The following PCDH7 variants were observed in gnomAD, a reference collection of about 807,000 sequenced individuals.
The protein encoded by PCDH7 is protocadherin-7.
PCDH7 carries 17 observed loss-of-function variants against 58.9 expected under a neutral mutation model. The observed-to-expected ratio is 0.29, with a 90% CI of 0.20 to 0.43. The LOEUF (loss-of-function observed/expected upper bound fraction) is 0.43. Among genes scored for constraint, PCDH7 ranks in the 20% least tolerant of loss-of-function variants. The pLI, the probability that PCDH7 is intolerant of heterozygous loss-of-function variation, is 1.00. For synonymous variants in PCDH7, 664 were observed against 616.4 expected, an observed-to-expected ratio of 1.08 and a Z score of -1.14; for missense variants, 1,274 against 1,441.0, an observed-to-expected ratio of 0.88 and a Z score of 1.88.
At chr4:30,968,518 T>A (rs561136083) in intron 3 of PCDH7, among the ~76,000 whole-genome samples, 1 of 151,096 alleles carries the variant, frequency 6.6e-6, no homozygotes, top group Non-Finnish European at 1.5e-5. Context: ...ATCTTCTTTT[T>A]AATCTAAAAT....
rs997760649 is a variant in PCDH7 at position 30,994,811 on chromosome 4, C to A, written c.*7+44596C>A. Reference sequence around the variant, plus strand: ...AATATAGGTATATTCAAAATTATCACCCAAATTGGCTTTTGGGTGTTAGCT... The same window carrying A: ...AATATAGGTATATTCAAAATTATCAACCAAATTGGCTTTTGGGTGTTAGCT... On this transcript the variant is annotated intron_variant, in intron 3 of 3. Coordinates refer to the PCDH7 transcript ENST00000509759. Among the ~76,000 whole-genome samples, 14 of 152,162 alleles carry A rather than the reference C, an allele frequency of 9.2e-5. No homozygotes were observed. In the South Asian group the frequency reaches 1.2e-3, roughly 14 times the overall value.
chr4:31,107,389 A>C (rs992058697), intron 3 of PCDH7, among the ~76,000 whole-genome samples: 5 of 152,222 alleles, frequency 3.3e-5, no homozygotes, highest in East Asian at 1.9e-4. Context: ...TCGCTGAAGC[A>C]ATGTAGTTCA....
intron 3 of PCDH7, among the ~76,000 whole-genome samples, chr4:30,956,417 G>A (rs2109453907): frequency 6.6e-6 from 1 of 152,232 alleles, no homozygotes; most frequent in South Asian, 2.1e-4. Flanking sequence ...TTCTAGTAAA[G>A]TGCTTTATAT....
At chr4:30,935,733 G>T (rs183860347) in intron 2 of PCDH7, among the ~76,000 whole-genome samples, 2 of 152,080 alleles carry the variant, frequency 1.3e-5, no homozygotes, top group Middle Eastern at 3.2e-3. Context: ...GATTATCACC[G>T]ATCACAGAGT....
At chr4:31,007,034 A>T (rs147690645) in intron 3 of PCDH7, among the ~76,000 whole-genome samples, 1 of 152,322 alleles carries the variant, frequency 6.6e-6, no homozygotes, top group East Asian at 1.9e-4. Context: ...GGGAAAAATT[A>T]CCAGGAATAA....
At chr4:30,848,102 T>C (rs1355835591) in intron 1 of PCDH7, among the ~76,000 whole-genome samples, 1 of 152,160 alleles carries the variant, frequency 6.6e-6, no homozygotes, top group Non-Finnish European at 1.5e-5. Context: ...AGATTATTTG[T>C]ATACACTATA....
chr4:31,028,778 A>T (rs1300119162), intron 3 of PCDH7, among the ~76,000 whole-genome samples: 4 of 152,224 alleles, frequency 2.6e-5, no homozygotes, highest in African/African-American at 7.2e-5. Context: ...GATGAAAAAC[A>T]TCGAAAAACA....
At chr4:30,800,014 C>T (rs993382914) in intron 1 of PCDH7, among the ~76,000 whole-genome samples, 4 of 151,100 alleles carry the variant, frequency 2.6e-5, no homozygotes, top group Non-Finnish European at 2.9e-5. Context: ...CCACCACACC[C>T]GGCTATTTTT....
chr4:30,895,348 G>C (rs913124155), intron 1 of PCDH7, among the ~76,000 whole-genome samples: 1 of 152,032 alleles, frequency 6.6e-6, no homozygotes, highest in Admixed American at 6.5e-5. Flanking sequence ...AATAGTTTAA[G>C]TATCTTCAGG....
intron 1 of PCDH7, among the ~76,000 whole-genome samples, chr4:30,855,032 T>C (rs1733279444): frequency 6.6e-6 from 1 of 152,136 alleles, no homozygotes; most frequent in South Asian, 2.1e-4. Context: ...TTCTTCTACT[T>C]AGAAAGTGGA....
intron 1 of PCDH7, among the ~76,000 whole-genome samples, chr4:30,841,927 C>T (rs1731265721): frequency 6.6e-6 from 1 of 151,972 alleles, no homozygotes; most frequent in Non-Finnish European, 1.5e-5. Context: ...ATTTAAGACC[C>T]TTACCACTAG....
intron 1 of PCDH7, among the ~76,000 whole-genome samples, chr4:30,900,741 G>T (rs2109394056): frequency 6.6e-6 from 1 of 152,252 alleles, no homozygotes; most frequent in South Asian, 2.1e-4. Flanking sequence ...ATATAGAAAT[G>T]CTTCATAGTG....
intron 1 of PCDH7, among the ~76,000 whole-genome samples, chr4:30,892,806 C>T (rs1167482589): frequency 6.6e-6 from 1 of 151,998 alleles, no homozygotes; most frequent in African/African-American, 2.4e-5. Flanking sequence ...ATTGTATTCT[C>T]TTTCCCAAAA....
intron 3 of PCDH7, among the ~76,000 whole-genome samples, chr4:31,052,779 G>T (rs185307969): frequency 2.6e-5 from 4 of 152,134 alleles, no homozygotes; most frequent in African/African-American, 9.7e-5. Flanking sequence ...TTATCTGTTC[G>T]TAGGAATCAC....
At chr4:31,123,871 C>G (rs1717977333) in intron 3 of PCDH7, among the ~76,000 whole-genome samples, 1 of 152,066 alleles carries the variant, frequency 6.6e-6, no homozygotes, top group Non-Finnish European at 1.5e-5. Flanking sequence ...AAACTCCTCT[C>G]CAACCGTCCC....
chr4:30,789,134 G>T (rs1425416846), intron 1 of PCDH7, among the ~76,000 whole-genome samples: 1 of 152,018 alleles, frequency 6.6e-6, no homozygotes, highest in African/African-American at 2.4e-5. Flanking sequence ...GGATCAATAG[G>T]TCCCCCCCTA....
chr4:30,942,205 AT>A (rs1479858496), intron 2 of PCDH7, among the ~76,000 whole-genome samples: 1 of 151,934 alleles, frequency 6.6e-6, no homozygotes. Flanking sequence ...TCTACTCACA[AT>A]TTCCATTATT....
At chr4:30,739,977 T>C (rs1716852958) in intron 1 of PCDH7, among the ~76,000 whole-genome samples, 1 of 152,168 alleles carries the variant, frequency 6.6e-6, no homozygotes, top group Non-Finnish European at 1.5e-5. Context: ...TAGGCACTGG[T>C]CAACATATTT....
intron 3 of PCDH7, among the ~76,000 whole-genome samples, chr4:31,103,429 T>G (rs1715151494): frequency 6.6e-6 from 1 of 152,030 alleles, no homozygotes; most frequent in Non-Finnish European, 1.5e-5. Flanking sequence ...AACCTCCACC[T>G]CCCAGTTCAA....
Sources: gnomAD v4.1 joint callset for allele counts (sites outside exome capture counted in the v4.1 genomes callset) on GRCh38, gnomAD v4.1.1 for gene constraint, MANE v1.5 for transcripts, NCBI Gene and HGNC (gene_info 2026-07-23, HGNC 2026-07-21) for gene names.